TLL2: variants seen among roughly 807,000 people sequenced by gnomAD.
TLL2 encodes tolloid like 2.
TLL2 carries 106 observed loss-of-function variants against 123.0 expected under a neutral mutation model. That is an observed-to-expected ratio of 0.86 (90% CI 0.74 to 1.01). TLL2 has a LOEUF of 1.01. Among genes scored for constraint, TLL2 ranks in the 50% least tolerant of loss-of-function variants. TLL2 has a pLI of 0.00. For missense variants in TLL2, 1,332 were observed against 1,336.7 expected, an observed-to-expected ratio of 1.00 and a Z score of 0.06; for synonymous variants, 494 against 516.8, an observed-to-expected ratio of 0.96 and a Z score of 0.60.
intron 10 of TLL2, among the ~76,000 whole-genome samples, chr10:96,403,929 T>C (rs1431163070): frequency 6.6e-6 from 1 of 152,042 alleles, no homozygotes; most frequent in Non-Finnish European, 1.5e-5. Context: ...GAGAGAAACA[T>C]AAATCTGGCC....
chr10:96,400,637 C>T (rs1201311741), intron 10 of TLL2, among the ~76,000 whole-genome samples: 18 of 152,320 alleles, frequency 1.2e-4, no homozygotes, highest in Admixed American at 5.9e-4. Context: ...CCGGGCCACA[C>T]GACACTGATC....
intron 2 of TLL2, among the ~76,000 whole-genome samples, chr10:96,449,312 G>A (rs1299608604): frequency 2.0e-5 from 3 of 152,170 alleles, no homozygotes; most frequent in African/African-American, 7.2e-5. Context: ...CAGAAAGAAC[G>A]AAGAGAACAA....
intron 16 of TLL2, 105 bp downstream of exon 16, chr10:96,384,482 A>C (rs1846211562): frequency 8.1e-6 from 10 of 1,234,984 alleles, no homozygotes; most frequent in Non-Finnish European, 1.1e-5. Flanking sequence ...GGAGGGATGC[A>C]GGAGCAAGCA....
At chr10:96,450,955 G>C (rs951010776) in intron 2 of TLL2, among the ~76,000 whole-genome samples, 2 of 152,206 alleles carry the variant, frequency 1.3e-5, no homozygotes, top group East Asian at 3.9e-4. Flanking sequence ...TAGTCACAGA[G>C]GTTTATTCAG....
At chr10:96,473,038 G>T (rs1847199796) in intron 2 of TLL2, among the ~76,000 whole-genome samples, 2 of 144,340 alleles carry the variant, frequency 1.4e-5, no homozygotes, top group South Asian at 2.2e-4. Context: ...GTTAGAATGT[G>T]GTTCCATCAG....
intron 1 of TLL2, among the ~76,000 whole-genome samples, chr10:96,503,665 T>C (rs1847554612): frequency 6.6e-6 from 1 of 152,168 alleles, no homozygotes; most frequent in Non-Finnish European, 1.5e-5. Flanking sequence ...GCACTGACCC[T>C]GGGCCTTCTG....
chr10:96,376,253 C>T (rs1448873117), intron 18 of TLL2, among the ~76,000 whole-genome samples: 1 of 152,170 alleles, frequency 6.6e-6, no homozygotes, highest in Admixed American at 6.5e-5. Context: ...TAGAAGGATC[C>T]ATAAGAATGT....
chr10:96,459,669 CAAAAAAAAAAAA>C lies in TLL2; in HGVS notation c.287-13513_287-13502del, dbSNP rs1165594084. Among the ~76,000 whole-genome samples the C allele has an allele frequency of 9.9e-3, 242 of 24,390 alleles. 2 individuals carry two copies. Among genetic ancestry groups the C allele is most frequent in the Non-Finnish European group, 0.015 (216 of 14,870 alleles). 16.0% of individuals were successfully genotyped at this position (24,390 alleles called of 152,430 possible). ...TGAGTGACAGAGCAAGATCCTGTTT[CAAAAAAAAAAAA>C]AAAAAAAAAAAAAAAAAAAAAAAAA... On this transcript the variant is annotated intron_variant, in intron 2 of 20. Transcript: ENST00000357947.
chr10:96,375,366 A>G (rs1846128466), intron 18 of TLL2: 1 of 152,148 alleles, frequency 6.6e-6, no homozygotes, highest in Admixed American at 6.5e-5. Context: ...TCCCAAGGGA[A>G]CGCCTTTTGG....
At chr10:96,492,082 CT>C (rs1204331841) in intron 1 of TLL2, among the ~76,000 whole-genome samples, 2 of 152,152 alleles carry the variant, frequency 1.3e-5, no homozygotes, top group African/African-American at 4.8e-5. Context: ...CCCTGGCTAT[CT>C]TTTCTCCATT....
intron 9 of TLL2, among the ~76,000 whole-genome samples, chr10:96,407,233 C>G (rs1846459911): frequency 6.6e-6 from 1 of 152,040 alleles, no homozygotes; most frequent in African/African-American, 2.4e-5. Context: ...CCTGACAGTC[C>G]CATGTCAGAG....
At chr10:96,433,528 G>T (rs1231204668) in intron 3 of TLL2, among the ~76,000 whole-genome samples, 1 of 152,084 alleles carries the variant, frequency 6.6e-6, no homozygotes, top group African/African-American at 2.4e-5. Context: ...TTCGATGGAA[G>T]GTTCTGAGTC....
At chr10:96,470,013 C>T (rs1847163873) in intron 2 of TLL2, among the ~76,000 whole-genome samples, 1 of 152,034 alleles carries the variant, frequency 6.6e-6, no homozygotes, top group Admixed American at 6.6e-5. Context: ...GCTGGACACC[C>T]CCAAAGGTCT....
At chr10:96,487,969 C>A (rs144756208) in intron 1 of TLL2, among the ~76,000 whole-genome samples, 1 of 152,180 alleles carries the variant, frequency 6.6e-6, no homozygotes, top group Admixed American at 6.5e-5. Context: ...GTGAAGGAAC[C>A]GAATCAGATA....
At chr10:96,370,422 G>C (rs1443629258) in intron 19 of TLL2, 107 bp from the exon 20 acceptor site, 77 of 1,408,730 alleles carry the variant, frequency 5.5e-5, no homozygotes, top group Admixed American at 2.5e-5. Flanking sequence ...CCTGGCAGGA[G>C]AGGCCAGGTA....
rs762333899 is a variant in TLL2 at position 96,386,047 on chromosome 10, A to G, written c.2013+8T>C. 6.3e-7 allele frequency: 1 copy of G among 1,583,854 alleles called. No homozygotes were observed. The highest frequency in any genetic ancestry group is 1.4e-5 in the African/African-American group (1 of 74,010). On this transcript the variant is annotated splice_region_variant and intron_variant, in intron 15 of 20. Coordinates refer to ENST00000357947, the MANE Select transcript of TLL2 (RefSeq NM_012465.4). The stretch of plus-strand genomic sequence containing the variant: ...CAGTCCCCAATCAATTAGAGCATGG[A>G]GACATACGTCATTGCCTTCCAGTTC...
chr10:96,469,857 G>A (rs1263421190), intron 2 of TLL2, among the ~76,000 whole-genome samples: 1 of 152,216 alleles, frequency 6.6e-6, no homozygotes, highest in Non-Finnish European at 1.5e-5. Context: ...CATGAATTTG[G>A]CATCAGAGAG....
chr10:96,496,842 T>G (rs987514289), intron 1 of TLL2, among the ~76,000 whole-genome samples: 6 of 152,218 alleles, frequency 3.9e-5, no homozygotes, highest in African/African-American at 1.4e-4. Flanking sequence ...TGGGTGGTGC[T>G]TCTTTGAGCA....
chr10:96,443,975 G>A (rs1355753456), intron 3 of TLL2, among the ~76,000 whole-genome samples: 1 of 152,230 alleles, frequency 6.6e-6, no homozygotes, highest in African/African-American at 2.4e-5. Flanking sequence ...AAGTCAGATT[G>A]AAGAGGAAGA....
Sources: gnomAD v4.1 joint callset for allele counts (sites outside exome capture counted in the v4.1 genomes callset) on GRCh38, gnomAD v4.1.1 for gene constraint, MANE v1.5 for transcripts, NCBI Gene and HGNC (gene_info 2026-07-23, HGNC 2026-07-21) for gene names.